Variants in PABPC1 observed in about 807,000 individuals in gnomAD.
PABPC1 encodes poly(A) binding protein cytoplasmic 1, also known as polyadenylate-binding protein 1.
In PABPC1, 4 loss-of-function variants were observed where a neutral mutation model predicts 74.0. That is an observed-to-expected ratio of 0.05 (90% CI 0.03 to 0.12). The LOEUF is 0.12. PABPC1 is among the 10% of genes least tolerant of loss of function. PABPC1 has a pLI of 1.00. For missense variants in PABPC1, 271 were observed against 821.1 expected (o/e 0.33, Z 8.19); for synonymous variants, 227 against 264.1 (o/e 0.86, Z 1.36).
chr8:100,720,377 C>T (rs1460880600), intron 1 of PABPC1, among the ~76,000 whole-genome samples: 6 of 152,192 alleles, frequency 3.9e-5, no homozygotes, highest in African/African-American at 7.2e-5. Flanking sequence ...TTATTTTGTA[C>T]TCAGTCATTT....
In PABPC1 at chr8:100,721,108, C is replaced by G. The variant is rs896927007; in HGVS notation, c.193+283G>C. Among the ~76,000 whole-genome samples, 4 of 152,176 alleles carry G rather than the reference C, an allele frequency of 2.6e-5. No homozygotes were observed. Among genetic ancestry groups the G allele is most frequent in the African/African-American group, 7.2e-5 (3 of 41,454 alleles). On this transcript the variant is annotated intron_variant, in intron 1 of 14. Transcript: ENST00000318607. The surrounding 1 kb of genome is among the most constrained non-coding windows in gnomAD (Gnocchi z 7.4). ...AGCGCCGCGGAGGAACCGAATCTCA[C>G]CCACCCTCCCGGCGCGTCATCACCC...
chr8:100,715,323 A>T, intron 4 of PABPC1, 139 bp downstream of exon 4: 3 of 689,536 alleles, frequency 4.4e-6, no homozygotes, highest in Non-Finnish European at 7.0e-6. Context: ...CCAGCAGCTT[A>T]ATTCAAATAA....
intron 7 of PABPC1, among the ~76,000 whole-genome samples, chr8:100,710,494 C>A (rs1166452541): frequency 6.6e-6 from 1 of 152,120 alleles, no homozygotes; most frequent in Admixed American, 6.5e-5. Flanking sequence ...GGACTTTGGG[C>A]TACTCAATAC....
Position 100,721,381 on chromosome 8 carries a change from C to G in PABPC1, c.193+10G>C, listed in dbSNP as rs780666402. On this transcript the variant is annotated intron_variant, in intron 1 of 14. Transcript: ENST00000318607. This position sits in a 1 kb window ranked among gnomAD's most constrained non-coding sequence, Gnocchi z 7.4. Reference sequence around the variant, plus strand: ...CGCCCGCCCGGCCGACCGCGGAGCCCGGCGCTCACCGTCCGCCGGCTGCTG... The same window carrying G: ...CGCCCGCCCGGCCGACCGCGGAGCCGGGCGCTCACCGTCCGCCGGCTGCTG... The G allele has an allele frequency of 2.0e-6, 3 of 1,505,664 alleles. No individual in the cohort carries two copies. In the Admixed American group the frequency reaches 5.9e-5, roughly 30 times the overall value. The allele number at this position is 1,505,664 out of a possible 1,614,324, so 93.3% of individuals were successfully genotyped here. A position where few individuals can be genotyped will look rare whatever the true frequency, so the allele number is the denominator to read the frequency against.
At position 100,721,724 on chromosome 8, in the gene PABPC1, A is replaced by T. The variant is rs942153925; in HGVS notation, c.-141T>A. The T allele has an allele frequency of 4.4e-6, 3 of 683,236 alleles. No individual in the cohort carries two copies. The African/African-American group carries it at 5.6e-5, about 13-fold the overall frequency. 42.3% of individuals were successfully genotyped at this position (683,236 alleles called of 1,614,324 possible). On this transcript the variant is annotated 5_prime_UTR_variant, in exon 1 of 15. Coordinates refer to ENST00000318607, the MANE Select transcript of PABPC1 (RefSeq NM_002568.4). This position sits in a 1 kb window ranked among gnomAD's most constrained non-coding sequence, Gnocchi z 7.4. Reference sequence around the variant, plus strand: ...GGACAAAAATCAACCGGAATTGAAAACTACTCAACGGCCGCAGAACGGGGT... The same window carrying T: ...GGACAAAAATCAACCGGAATTGAAATCTACTCAACGGCCGCAGAACGGGGT...
intron 3 of PABPC1, 123 bp downstream of exon 3, chr8:100,717,650 T>A: frequency 1.6e-6 from 1 of 628,824 alleles, no homozygotes; most frequent in Non-Finnish European, 2.8e-6. Context: ...CTTTAAAATG[T>A]TTTTATTCTT....
chr8:100,721,482 G>A lies in PABPC1; in HGVS notation c.102C>T (p.Ala34=), dbSNP rs143154483. ...AGACCCGGATGGAGAGGATGGGCCC[G>A]GCCGGGCTGAACTTCTCGTAGAGCA... ...EAMLYEKFSP[A]GPILSIRVCR... is the part of the protein sequence containing the mutation. Residue 34 remains alanine, a synonymous_variant, in exon 1 of 15, where the codon GCC becomes GCT. Transcript: ENST00000318607. This position sits in a 1 kb window ranked among gnomAD's most constrained non-coding sequence, Gnocchi z 7.4. The A allele has an allele frequency of 7.8e-4, 1,255 of 1,611,720 alleles. 8 individuals are homozygous for A. The highest frequency in any genetic ancestry group is 4.6e-3 in the South Asian group (416 of 90,916).
At chr8:100,711,574 A>C (rs1178728649) in intron 7 of PABPC1, among the ~76,000 whole-genome samples, 1 of 152,362 alleles carries the variant, frequency 6.6e-6, no homozygotes, top group East Asian at 1.9e-4. Context: ...TGAAGACAAA[A>C]ACATTCAGGA....
chr8:100,703,924 T>C (rs186811496), intron 14 of PABPC1, among the ~76,000 whole-genome samples: 50 of 152,070 alleles, frequency 3.3e-4, no homozygotes, highest in Non-Finnish European at 5.2e-4. Flanking sequence ...GTGGCAGGCA[T>C]GGGCCTGTTA....
intron 3 of PABPC1, among the ~76,000 whole-genome samples, chr8:100,715,967 C>A (rs560362433): frequency 1.3e-5 from 2 of 152,224 alleles, no homozygotes; most frequent in Non-Finnish European, 2.9e-5. Flanking sequence ...GTGGCGCTTG[C>A]GCTTTCTTTG....
rs769904232 is a variant in PABPC1, at chr8:100,709,250, T to C, written c.1246-27A>G. ...TGCAGGGAAAAAAAGCACATGAGTT[T>C]ATCAGTTGAAGAAAAAAGCAAATAA... On this transcript the variant is annotated intron_variant, in intron 8 of 14. Coordinates refer to ENST00000318607, the MANE Select transcript of PABPC1 (RefSeq NM_002568.4). 47 of 1,596,578 alleles carry C rather than the reference T, an allele frequency of 2.9e-5. No individual in the cohort carries two copies. In the Admixed American group the frequency reaches 7.9e-4, roughly 27 times the overall value.
At chr8:100,709,355 C>T in intron 8 of PABPC1, 104 bp downstream of exon 8, 6 of 1,487,096 alleles carry the variant, frequency 4.0e-6, no homozygotes, top group South Asian at 3.5e-5. Context: ...AATCATAATT[C>T]CCCTTTCTTA....
chr8:100,710,145 T>C (rs1417289532), intron 7 of PABPC1, among the ~76,000 whole-genome samples: 3 of 141,326 alleles, frequency 2.1e-5, no homozygotes, highest in African/African-American at 7.4e-5. Flanking sequence ...TGCTTCACTA[T>C]GCCTTTGAGA....
intron 11 of PABPC1, 65 bp downstream of exon 11, chr8:100,706,586 T>G (rs1810384607): frequency 1.4e-6 from 2 of 1,441,066 alleles, no homozygotes; most frequent in Non-Finnish European, 1.9e-6. Context: ...TGTGCCCAGC[T>G]GTCTTCACAC....
intron 3 of PABPC1, among the ~76,000 whole-genome samples, chr8:100,716,687 T>A (rs1810678953): frequency 6.6e-6 from 1 of 152,266 alleles, no homozygotes; most frequent in Admixed American, 6.5e-5. Context: ...TAAATAATGC[T>A]GCAACTTTTT....
In PABPC1 at chr8:100,715,495, C is replaced by T; in HGVS notation, c.610G>A (p.Asp204Asn). 1 of 1,612,608 alleles carries T rather than the reference C, an allele frequency of 6.2e-7. No homozygotes were observed. The highest frequency in any genetic ancestry group is 8.5e-7 in the Non-Finnish European group (1 of 1,179,110). ...CCAAAGAGATCCTTAAGGCGCTCAT[C>T]ATCCATGTCTTCTCCAAAATTCTTG... The part of the protein sequence containing the change: ...YIKNFGEDMD[D>N]ERLKDLFGKF... Residue 204 changes from aspartate (D) to asparagine (N), a missense_variant, in exon 4 of 15, where the codon GAT becomes AAT. Coordinates refer to ENST00000318607, the MANE Select transcript of PABPC1 (RefSeq NM_002568.4).
intron 11 of PABPC1, 42 bp downstream of exon 11, chr8:100,706,609 C>A (rs1298333171): frequency 5.1e-6 from 8 of 1,576,316 alleles, no homozygotes; most frequent in Non-Finnish European, 6.9e-6. Flanking sequence ...TTGATTTCAC[C>A]CAAGAAATGT....
Position 100,704,308 on chromosome 8 carries a change from G to T in PABPC1, c.1901C>A (p.Pro634Gln), listed in dbSNP as rs2129663692. ...QKAVNSATGV[P>Q]TV ...AGGGAAAAGCTCACTTTAAACAGTTGGAACACCGGTGGCACTGTTAACTGC... is the reference window on the plus strand; with the variant it reads ...AGGGAAAAGCTCACTTTAAACAGTTTGAACACCGGTGGCACTGTTAACTGC... Residue 634 changes from proline to glutamine, a missense_variant, in exon 14 of 15, where the codon CCA (proline) becomes CAA (glutamine). Coordinates refer to ENST00000318607, the MANE Select transcript of PABPC1 (RefSeq NM_002568.4). 1 of 1,612,760 alleles carries T rather than the reference G, an allele frequency of 6.2e-7. No homozygotes were observed. The highest frequency in any genetic ancestry group is 1.1e-5 in the South Asian group (1 of 91,058).
Position 100,711,448 on chromosome 8 carries a change from C to T in PABPC1, c.972+914G>A, listed in dbSNP as rs1041953500. Among the ~76,000 whole-genome samples the T allele has an allele frequency of 2.0e-5, 3 of 152,302 alleles. 1 individual carries two copies. On this transcript the variant is annotated intron_variant, in intron 7 of 14. Coordinates refer to ENST00000318607, the MANE Select transcript of PABPC1 (RefSeq NM_002568.4). ...GTGATTGTGGCATGCCCCTGCACTC[C>T]AACCTGGGCAACATAATGAGATCCT...
Sources: allele counts gnomAD v4.1 joint callset (sites outside exome capture counted in the v4.1 genomes callset), GRCh38; gene constraint gnomAD v4.1.1; non-coding constraint Gnocchi (gnomAD v3.1); transcripts MANE v1.5; gene names NCBI Gene and HGNC (gene_info 2026-07-23, HGNC 2026-07-21).